The following PDS5B variants were observed in gnomAD, a reference collection of about 807,000 sequenced individuals.
The protein encoded by PDS5B is sister chromatid cohesion protein PDS5 homolog B.
A neutral mutation model predicts 184.1 loss-of-function variants in PDS5B; 51 were observed. The observed-to-expected ratio is 0.28, with a 90% CI of 0.22 to 0.35. The LOEUF is 0.35. Among genes scored for constraint, PDS5B ranks in the 10% least tolerant of loss-of-function variants. The pLI, the probability that PDS5B is intolerant of heterozygous loss-of-function variation, is 1.00. For synonymous variants in PDS5B, 566 were observed against 569.2 expected (o/e 0.99, Z 0.08); for missense variants, 1,180 against 1,723.3 (o/e 0.68, Z 5.58).
At chr13:32,610,042 G>A (rs937205556) in intron 1 of PDS5B, among the ~76,000 whole-genome samples, 1 of 152,206 alleles carries the variant, frequency 6.6e-6, no homozygotes, top group East Asian at 1.9e-4. Context: ...ATTAACTAGT[G>A]TAAGAGTTGG....
chr13:32,760,545 A>G, intron 29 of PDS5B, 30 bp from the exon 30 acceptor site: 2 of 1,607,038 alleles, frequency 1.2e-6, no homozygotes, highest in African/African-American at 1.3e-5. Flanking sequence ...CTTTAACCAA[A>G]TAAAAAGAGA....
intron 29 of PDS5B, among the ~76,000 whole-genome samples, 170 bp downstream of exon 29, chr13:32,759,860 T>A (rs917840524): frequency 5.9e-5 from 9 of 152,192 alleles, no homozygotes; most frequent in African/African-American, 2.2e-4. Flanking sequence ...TTACTAGATA[T>A]ACACAAGCTG....
At chr13:32,653,679 G>C (rs1950426119) in intron 3 of PDS5B, among the ~76,000 whole-genome samples, 1 of 152,206 alleles carries the variant, frequency 6.6e-6, no homozygotes, top group Non-Finnish European at 1.5e-5. Flanking sequence ...AATGGTCGGA[G>C]ACTTAAAGTA....
At chr13:32,657,792 C>G (rs535021662) in intron 3 of PDS5B, among the ~76,000 whole-genome samples, 2 of 151,914 alleles carry the variant, frequency 1.3e-5, no homozygotes, top group Non-Finnish European at 2.9e-5. Flanking sequence ...CTAAGCTTCT[C>G]TGTGGTATCT....
At chr13:32,756,761 G>A (rs1192957745) in intron 26 of PDS5B, among the ~76,000 whole-genome samples, 4 of 152,102 alleles carry the variant, frequency 2.6e-5, no homozygotes, top group Non-Finnish European at 4.4e-5. Context: ...TCAAATTAAT[G>A]ATGAATTCTC....
intron 34 of PDS5B, 43 bp downstream of exon 34, chr13:32,773,367 GAGTT>G: frequency 6.5e-7 from 1 of 1,540,756 alleles, no homozygotes; most frequent in South Asian, 1.2e-5. Context: ...GATATAAAAA[GAGTT>G]AGTAAATGTT....
At chr13:32,744,420 G>C (rs558685127) in intron 23 of PDS5B, among the ~76,000 whole-genome samples, 3 of 152,212 alleles carry the variant, frequency 2.0e-5, no homozygotes, top group Admixed American at 6.5e-5. Flanking sequence ...GGGGGTCTCT[G>C]TCCTTTCCTT....
At chr13:32,614,946 C>A (rs1297378521) in intron 1 of PDS5B, among the ~76,000 whole-genome samples, 1 of 152,092 alleles carries the variant, frequency 6.6e-6, no homozygotes, top group Non-Finnish European at 1.5e-5. Context: ...TTGAGTTTGT[C>A]CCTTTTGTAA....
At chr13:32,720,163 A>G (rs1952620646) in intron 19 of PDS5B, among the ~76,000 whole-genome samples, 1 of 152,372 alleles carries the variant, frequency 6.6e-6, no homozygotes, top group African/African-American at 2.4e-5. Flanking sequence ...ATACTAGCAA[A>G]GAGAATGAAC....
chr13:32,595,910 T>A (rs1247525025), intron 1 of PDS5B, among the ~76,000 whole-genome samples: 1 of 152,186 alleles, frequency 6.6e-6, no homozygotes, highest in Non-Finnish European at 1.5e-5. Flanking sequence ...GCAGTTACTT[T>A]GGGATCTAGC....
intron 25 of PDS5B, 26 bp from the exon 26 acceptor site, chr13:32,755,813 TTTG>T (rs747764186): frequency 7.0e-5 from 72 of 1,028,374 alleles, no homozygotes; most frequent in African/African-American, 1.7e-4. Flanking sequence ...TTTGTTTTTT[TTTG>T]TTTGTTTGTT....
chr13:32,727,435 G>A (rs1294698200), intron 19 of PDS5B, among the ~76,000 whole-genome samples: 3 of 151,754 alleles, frequency 2.0e-5, no homozygotes, highest in Non-Finnish European at 4.4e-5. Flanking sequence ...TTTTCATCTG[G>A]TATCATTTTT....
chr13:32,747,373 T>C (rs556072874), intron 24 of PDS5B, among the ~76,000 whole-genome samples: 1 of 152,122 alleles, frequency 6.6e-6, no homozygotes, highest in Admixed American at 6.5e-5. Context: ...TATGTATAAC[T>C]CTCTAGACAC....
At chr13:32,641,747 A>G (rs1028742248) in intron 1 of PDS5B, among the ~76,000 whole-genome samples, 1 of 152,094 alleles carries the variant, frequency 6.6e-6, no homozygotes, top group African/African-American at 2.4e-5. Context: ...TTCTTTACTC[A>G]TCTTGTAAAC....
chr13:32,751,609 G>A (rs1393421806), intron 24 of PDS5B, among the ~76,000 whole-genome samples: 3 of 152,114 alleles, frequency 2.0e-5, no homozygotes, highest in Non-Finnish European at 4.4e-5. Flanking sequence ...AATGATTAAC[G>A]ATGTTGAACA....
intron 1 of PDS5B, among the ~76,000 whole-genome samples, chr13:32,612,735 GC>G (rs1208390174): frequency 6.6e-6 from 1 of 152,084 alleles, no homozygotes; most frequent in African/African-American, 2.4e-5. Context: ...AAAAGGGGAG[GC>G]CCTTTTCTCT....
chr13:32,765,370 G>C (rs1322279322), intron 31 of PDS5B, among the ~76,000 whole-genome samples: 3 of 152,126 alleles, frequency 2.0e-5, no homozygotes, highest in Non-Finnish European at 4.4e-5. Flanking sequence ...TCATTGTTAC[G>C]ACTTTTGATT....
chr13:32,706,319 TA>T (rs1411044559), intron 17 of PDS5B, among the ~76,000 whole-genome samples: 2 of 146,556 alleles, frequency 1.4e-5, no homozygotes, highest in African/African-American at 5.3e-5. Flanking sequence ...AATAAATAAA[TA>T]AATAAAATAA....
At chr13:32,755,987 T>A (rs768309486) in intron 26 of PDS5B, 31 bp downstream of exon 26, 1 of 1,064,386 alleles carries the variant, frequency 9.4e-7, no homozygotes, top group Admixed American at 2.1e-5. Context: ...TTTTCATATT[T>A]TCTGAAAGTT....
Sources: gnomAD v4.1 joint callset for allele counts (sites outside exome capture counted in the v4.1 genomes callset) on GRCh38, gnomAD v4.1.1 for gene constraint, MANE v1.5 for transcripts, NCBI Gene and HGNC (gene_info 2026-07-23, HGNC 2026-07-21) for gene names.